FOXP1: variants seen among roughly 807,000 people sequenced by gnomAD.
The protein encoded by FOXP1 is forkhead box P1, also known as forkhead box protein P1.
A neutral mutation model predicts 98.2 loss-of-function variants in FOXP1; 15 were observed. That is an observed-to-expected ratio of 0.15 (90% CI 0.10 to 0.24). The LOEUF (loss-of-function observed/expected upper bound fraction) is 0.24. Among genes scored for constraint, FOXP1 ranks in the 10% least tolerant of loss-of-function variants. The pLI, the probability that FOXP1 is intolerant of heterozygous loss-of-function variation, is 1.00. For missense variants in FOXP1, 633 were observed against 848.5 expected (o/e 0.75, Z 3.15); for synonymous variants, 371 against 314.5 (o/e 1.18, Z -1.90).
At chr3:71,453,700 A>T (rs1159783902) in intron 3 of FOXP1, among the ~76,000 whole-genome samples, 2 of 152,162 alleles carry the variant, frequency 1.3e-5, no homozygotes, top group African/African-American at 4.8e-5. Context: ...AATAAACACC[A>T]TCCCCAAAAT....
chr3:71,050,722 C>A (rs2049771597), intron 9 of FOXP1, among the ~76,000 whole-genome samples: 1 of 152,160 alleles, frequency 6.6e-6, no homozygotes, highest in African/African-American at 2.4e-5. Context: ...CCTTCATACC[C>A]CTTCTTTTTT....
intron 7 of FOXP1, among the ~76,000 whole-genome samples, chr3:71,077,250 C>T (rs1253732093): frequency 6.6e-6 from 1 of 152,192 alleles, no homozygotes; most frequent in Non-Finnish European, 1.5e-5. Flanking sequence ...TTTCACATGT[C>T]ACTCCCATTC....
At chr3:71,531,370 C>T (rs1470112036) in intron 2 of FOXP1, among the ~76,000 whole-genome samples, 2 of 152,224 alleles carry the variant, frequency 1.3e-5, no homozygotes, top group African/African-American at 4.8e-5. Flanking sequence ...ATCGGCCTGG[C>T]TCCAGTTACA....
At position 71,426,038 on chromosome 3, in the gene FOXP1, AG is replaced by A. The variant is rs779809034; in HGVS notation, c.-167-66795del. On this transcript the variant is annotated intron_variant, in intron 3 of 20. Transcript: ENST00000649528. Reference sequence around the variant, plus strand: ...CCAGGACTGAAAATACCCTAGCATCAGCTCAATGCATGAGCCTCTCATCATG... The same window carrying A: ...CCAGGACTGAAAATACCCTAGCATCACTCAATGCATGAGCCTCTCATCATG... 1.3e-4 allele frequency among the ~76,000 whole-genome samples: 20 copies of A among 152,302 alleles called. No individual in the cohort carries two copies. The Middle Eastern group carries it at 0.014, about 104-fold the overall frequency.
chr3:71,029,836 T>A (rs1470101418), intron 11 of FOXP1, among the ~76,000 whole-genome samples: 1 of 152,230 alleles, frequency 6.6e-6, no homozygotes. Flanking sequence ...AACTACATTG[T>A]GGTCATCTTT....
chr3:71,549,327 A>G (rs532877483), intron 2 of FOXP1, among the ~76,000 whole-genome samples: 2 of 152,164 alleles, frequency 1.3e-5, no homozygotes, highest in South Asian at 4.1e-4. Context: ...TAACTTCTCT[A>G]CTGAGTAAAG....
At chr3:71,510,165 A>G (rs916104302) in intron 2 of FOXP1, among the ~76,000 whole-genome samples, 5 of 151,730 alleles carry the variant, frequency 3.3e-5, no homozygotes, top group African/African-American at 1.2e-4. Context: ...CGGACAACAC[A>G]GCAAGACTCT....
chr3:71,410,991 C>A (rs886230650), intron 3 of FOXP1, among the ~76,000 whole-genome samples: 1 of 152,124 alleles, frequency 6.6e-6, no homozygotes, highest in African/African-American at 2.4e-5. Context: ...TGTTTACTCC[C>A]AGAGATGTTG....
intron 3 of FOXP1, among the ~76,000 whole-genome samples, chr3:71,456,048 A>C (rs1415710623): frequency 6.6e-6 from 1 of 152,216 alleles, no homozygotes; most frequent in Non-Finnish European, 1.5e-5. Context: ...AAAAAATCAC[A>C]GCCAAAAAGT....
At chr3:71,186,134 A>T (rs2062629969) in intron 6 of FOXP1, among the ~76,000 whole-genome samples, 1 of 152,212 alleles carries the variant, frequency 6.6e-6, no homozygotes, top group Admixed American at 6.5e-5. Context: ...CCTCTAGCCA[A>T]CTATAGGACT....
chr3:71,392,266 G>C (rs1169064085), intron 3 of FOXP1, among the ~76,000 whole-genome samples: 1 of 152,106 alleles, frequency 6.6e-6, no homozygotes, highest in Non-Finnish European at 1.5e-5. Context: ...TTAAACCTAA[G>C]GGTGAAACAA....
chr3:71,261,996 G>A (rs1043760405), intron 5 of FOXP1, among the ~76,000 whole-genome samples: 3 of 151,906 alleles, frequency 2.0e-5, no homozygotes, highest in African/African-American at 4.8e-5. Context: ...GGCCGAGTGC[G>A]GTGGCTCACG....
chr3:71,153,502 C>T (rs914129448), intron 6 of FOXP1, among the ~76,000 whole-genome samples: 1 of 150,274 alleles, frequency 6.7e-6, no homozygotes, highest in African/African-American at 2.5e-5. Flanking sequence ...CACTGCCCCC[C>T]GCAATCATCT....
intron 6 of FOXP1, among the ~76,000 whole-genome samples, chr3:71,184,738 T>C (rs2108301124): frequency 6.6e-6 from 1 of 150,654 alleles, no homozygotes; most frequent in South Asian, 2.1e-4. Flanking sequence ...CTAATTAACA[T>C]ACAGAATAGC....
intron 4 of FOXP1, among the ~76,000 whole-genome samples, chr3:71,332,041 G>C (rs1246257112): frequency 6.6e-6 from 1 of 152,210 alleles, no homozygotes; most frequent in East Asian, 1.9e-4. Context: ...GGGCCACATA[G>C]AGAAATAAAA....
intron 18 of FOXP1, 118 bp from the exon 19 acceptor site, chr3:70,970,923 A>G (rs917332313): frequency 1.3e-6 from 1 of 776,956 alleles, no homozygotes; most frequent in Non-Finnish European, 2.3e-6. Context: ...CCCACTAGCA[A>G]AACCCAAGAA....
chr3:71,415,960 T>C (rs1281058595), intron 3 of FOXP1, among the ~76,000 whole-genome samples: 1 of 152,136 alleles, frequency 6.6e-6, no homozygotes, highest in Non-Finnish European at 1.5e-5. Flanking sequence ...ATAATAGAAA[T>C]CTGGGACTTC....
intron 11 of FOXP1, among the ~76,000 whole-genome samples, chr3:71,036,966 A>C (rs2047679217): frequency 6.6e-6 from 1 of 152,192 alleles, no homozygotes; most frequent in Non-Finnish European, 1.5e-5. Flanking sequence ...TGAAAACTTT[A>C]AGTACTATTT....
intron 5 of FOXP1, among the ~76,000 whole-genome samples, chr3:71,285,172 C>T (rs1041833466): frequency 7.2e-5 from 11 of 152,114 alleles, no homozygotes; most frequent in African/African-American, 2.2e-4. Flanking sequence ...ACACGCAGTT[C>T]GAATCAATTA....
Sources: allele counts gnomAD v4.1 joint callset (sites outside exome capture counted in the v4.1 genomes callset), GRCh38; gene constraint gnomAD v4.1.1; transcripts MANE v1.5; gene names NCBI Gene and HGNC (gene_info 2026-07-23, HGNC 2026-07-21).